Variants in AADAT observed in about 807,000 individuals in gnomAD.
AADAT encodes kynurenine/alpha-aminoadipate aminotransferase, mitochondrial.
Under a neutral mutation model 56.2 loss-of-function variants are expected in AADAT, and 25 were observed. That is an observed-to-expected ratio of 0.44 (90% CI 0.32 to 0.62). The LOEUF is 0.62. AADAT is among the 20% of genes least tolerant of loss of function. AADAT has a pLI of 0.04. For missense variants in AADAT, 387 were observed against 510.5 expected (o/e 0.76, Z 2.33); for synonymous variants, 173 against 164.7 (o/e 1.05, Z -0.39).
intron 5 of AADAT, among the ~76,000 whole-genome samples, chr4:170,071,516 C>G (rs1012883576): frequency 6.6e-6 from 1 of 152,132 alleles, no homozygotes; most frequent in South Asian, 2.1e-4. Context: ...ACAGACCGAC[C>G]GTGTTACCTA....
At chr4:170,076,506 C>T (rs79744767) in intron 4 of AADAT, among the ~76,000 whole-genome samples, 5,022 of 152,226 alleles carry the variant, frequency 0.033, 282 homozygotes, top group African/African-American at 0.11. Context: ...TATTGGCCTT[C>T]TGCACATGTT....
chr4:170,063,510 T>C (rs965693242), intron 11 of AADAT, among the ~76,000 whole-genome samples: 20 of 152,380 alleles, frequency 1.3e-4, no homozygotes, highest in African/African-American at 4.6e-4. Context: ...ATGCATTTAT[T>C]TGAAGTAAGT....
At chr4:170,064,642 A>C in intron 11 of AADAT, 77 bp downstream of exon 11, 1 of 1,127,558 alleles carries the variant, frequency 8.9e-7, no homozygotes, top group South Asian at 1.5e-5. Context: ...ATTTCTTTCC[A>C]TTCTATTCAA....
At chr4:170,085,916 A>G (rs1156821746) in intron 3 of AADAT, among the ~76,000 whole-genome samples, 2 of 149,602 alleles carry the variant, frequency 1.3e-5, no homozygotes, top group Non-Finnish European at 2.9e-5. Flanking sequence ...CTCTGGTTTA[A>G]GATAAAGATA....
intron 11 of AADAT, among the ~76,000 whole-genome samples, chr4:170,063,578 G>C (rs763593920): frequency 1.3e-5 from 2 of 152,218 alleles, no homozygotes; most frequent in African/African-American, 2.4e-5. Context: ...AATTAATGAA[G>C]TCTGAGTCCT....
rs1431342629 is a variant in AADAT, at chr4:170,064,937, A to C, written c.1028-112T>G. On this transcript the variant is annotated intron_variant, in intron 10 of 12. Transcript: ENST00000337664. ...GTAAGTAGAAACTAGTATTCCTAAA[A>C]AAGTTCCTTCAATTATAGCATTTTT... 9 of 845,344 alleles carry C rather than the reference A, an allele frequency of 1.1e-5. 1 individual carries two copies. In the East Asian group the frequency reaches 2.1e-4, roughly 20 times the overall value. 52.4% of individuals were successfully genotyped at this position (845,344 alleles called of 1,614,324 possible). A position where few individuals can be genotyped will look rare whatever the true frequency, so the allele number is the denominator to read the frequency against.
intron 3 of AADAT, among the ~76,000 whole-genome samples, chr4:170,082,479 A>G (rs986934625): frequency 3.3e-5 from 5 of 152,186 alleles, no homozygotes; most frequent in African/African-American, 1.2e-4. Flanking sequence ...AGAGAAAATC[A>G]CTTAACCACA....
At chr4:170,075,774 A>C (rs1376201503) in intron 4 of AADAT, among the ~76,000 whole-genome samples, 1 of 152,202 alleles carries the variant, frequency 6.6e-6, no homozygotes, top group Admixed American at 6.5e-5. Flanking sequence ...GCCCCTGGTA[A>C]CCACTCATCT....
upstream of AADAT, chr4:170,091,445 C>A: frequency 6.5e-6 from 1 of 153,970 alleles, no homozygotes; most frequent in Non-Finnish European, 1.4e-5. Context: ...GAATTCTCGC[C>A]AGGCCTCAGC....
rs763749090 is a variant in AADAT at position 170,069,191 on chromosome 4, G to T, written c.760C>A (p.Arg254Ser). The stretch of plus-strand genomic sequence containing the variant: ...GAAAAAGAGTCAGCTCTGATGACAC[G>T]TCCATCAACATCCATGGAAAGAAAT... ...PTFLSMDVDG[R>S]VIRADSFSKI... The change falls in exon 7 of 13, where the codon CGT becomes AGT. Residue 254 changes from arginine (R) to serine (S), a missense_variant. Transcript: ENST00000337664. 1.2e-6 allele frequency: 2 copies of T among 1,613,748 alleles called. No individual in the cohort carries two copies. Among genetic ancestry groups the T allele is most frequent in the South Asian group, 1.1e-5 (1 of 91,042 alleles).
intron 4 of AADAT, among the ~76,000 whole-genome samples, chr4:170,078,237 T>C (rs1732130468): frequency 6.6e-6 from 1 of 152,204 alleles, no homozygotes; most frequent in Non-Finnish European, 1.5e-5. Flanking sequence ...GAATTGGACA[T>C]GATTTTGCAT....
intron 4 of AADAT, among the ~76,000 whole-genome samples, chr4:170,077,430 C>T (rs115267676): frequency 0.014 from 2,166 of 151,840 alleles, 49 homozygotes; most frequent in African/African-American, 0.05. Flanking sequence ...TTTATTCCTA[C>T]GTATTTTATT....
chr4:170,072,429 C>A (rs558449421), intron 5 of AADAT, among the ~76,000 whole-genome samples: 2 of 152,024 alleles, frequency 1.3e-5, no homozygotes. Context: ...GCCACTGCAC[C>A]CAACCTGAGG....
At chr4:170,088,334 G>A (rs1732660947) in intron 2 of AADAT, 62 bp downstream of exon 2, 8 of 1,421,732 alleles carry the variant, frequency 5.6e-6, no homozygotes, top group African/African-American at 1.4e-5. Flanking sequence ...CTTTATCAAT[G>A]GGCCTTAGAA....
rs1371359924 is a variant in AADAT at position 170,060,289 on chromosome 4, T to C, written c.*639A>G. ...CATAACATAAGGTTTATGGTACTTT[T>C]ACTAAAAGTCACTTATAATGACCAA... is the stretch of plus-strand genomic sequence containing the variant. On this transcript the variant is annotated 3_prime_UTR_variant, in exon 13 of 13. Coordinates refer to ENST00000337664, the MANE Select transcript of AADAT (RefSeq NM_016228.4). 1 of 152,152 alleles carries C rather than the reference T, an allele frequency of 6.6e-6. No individual in the cohort carries two copies. The highest frequency in any genetic ancestry group is 1.5e-5 in the Non-Finnish European group (1 of 68,014). 9.4% of individuals were successfully genotyped at this position (152,152 alleles called of 1,614,324 possible).
intron 3 of AADAT, 54 bp downstream of exon 3, chr4:170,087,062 A>T: frequency 2.5e-6 from 4 of 1,605,462 alleles, no homozygotes; most frequent in Non-Finnish European, 3.4e-6. Flanking sequence ...AGAGGACTAT[A>T]GAAATGAATG....
chr4:170,086,482 AG>A (rs748310308), intron 3 of AADAT, among the ~76,000 whole-genome samples: 2 of 152,090 alleles, frequency 1.3e-5, no homozygotes, highest in Non-Finnish European at 2.9e-5. Flanking sequence ...GAGGGGGACA[AG>A]ATACAAGCAG....
At position 170,088,479 on chromosome 4, in the gene AADAT, G is replaced by A. The variant is rs780509929; in HGVS notation, c.153C>T (p.Ala51=). The A allele has an allele frequency of 6.8e-6, 11 of 1,613,472 alleles. No individual in the cohort carries two copies. Among genetic ancestry groups the A allele is most frequent in the Middle Eastern group, 3.3e-4 (2 of 6,062 alleles). The change falls in exon 2 of 13, where the codon GCC becomes GCT. Residue 51 remains alanine (A), a synonymous_variant. Transcript: ENST00000337664. ...TCTTTCCATTTTCTACAGTGATTAC[G>A]GCAGTCTTAAAAGGAAACATGTTTG... is the stretch of plus-strand genomic sequence containing the variant. The part of the protein sequence containing the change: ...PNPNMFPFKT[A]VITVENGKTI...
upstream of AADAT, among the ~76,000 whole-genome samples, chr4:170,090,805 CCT>C (rs1264786598): frequency 6.6e-6 from 1 of 152,144 alleles, no homozygotes; most frequent in Non-Finnish European, 1.5e-5. Context: ...TTTCAGACAA[CCT>C]CTCTTTGACT....
Sources: allele counts gnomAD v4.1 joint callset (sites outside exome capture counted in the v4.1 genomes callset), GRCh38; gene constraint gnomAD v4.1.1; transcripts MANE v1.5; gene names NCBI Gene and HGNC (gene_info 2026-07-23, HGNC 2026-07-21).